Variants in GNG7 observed in about 807,000 individuals in gnomAD.
The protein encoded by GNG7 is G protein subunit gamma 7, also known as guanine nucleotide-binding protein G(I)/G(S)/G(O) subunit gamma-7.
In GNG7, 1 loss-of-function variant was observed where a neutral mutation model predicts 4.0. The ratio of observed to expected loss-of-function variants is 0.25; its 90% confidence interval spans 0.09 to 1.18. The LOEUF is 1.18. Among genes scored for constraint, GNG7 ranks in the 50% most tolerant of loss-of-function variants. The probability of loss-of-function intolerance (pLI) is 0.50; values close to 1 mark genes in which losing one functional copy is unlikely to be tolerated. For missense variants in GNG7, 86 were observed against 91.9 expected (o/e 0.94, Z 0.26); for synonymous variants, 34 against 36.9 (o/e 0.92, Z 0.29).
chr19:2,556,354 C>T (rs1440037359), intron 2 of GNG7, among the ~76,000 whole-genome samples: 1 of 152,232 alleles, frequency 6.6e-6, no homozygotes, highest in Non-Finnish European at 1.5e-5. Flanking sequence ...CAACCCAGGC[C>T]CAGCTTCCTG....
chr19:2,537,141 G>A (rs1337673498), intron 3 of GNG7, among the ~76,000 whole-genome samples: 1 of 150,008 alleles, frequency 6.7e-6, no homozygotes, highest in Non-Finnish European at 1.5e-5. Context: ...AGTAGAGACG[G>A]GGTTTCACCG....
intron 2 of GNG7, among the ~76,000 whole-genome samples, chr19:2,639,191 G>A (rs576875063): frequency 4.0e-5 from 6 of 150,672 alleles, no homozygotes; most frequent in African/African-American, 9.8e-5. Context: ...CCAAGATCGC[G>A]CCACTGCACT....
At position 2,697,800 on chromosome 19, in the gene GNG7, C is replaced by T. The variant is rs573396124; in HGVS notation, c.-135+4846G>A. 5.4e-3 allele frequency among the ~76,000 whole-genome samples: 822 copies of T among 151,360 alleles called. 6 individuals are homozygous for T. The highest frequency in any genetic ancestry group is 9.2e-3 in the Non-Finnish European group (627 of 67,852). On this transcript the variant is annotated intron_variant, in intron 1 of 4. Transcript: ENST00000382159. ...TGAGGGCCCCGTCCCCCCCCCCGCC[C>T]GTCTCTACTAAAAATACAAAAATTA...
At chr19:2,607,329 C>A (rs1441379504) in intron 2 of GNG7, among the ~76,000 whole-genome samples, 2 of 151,352 alleles carry the variant, frequency 1.3e-5, no homozygotes, top group Non-Finnish European at 2.9e-5. Context: ...ACCAGCCTGG[C>A]CAACATGGAG....
At chr19:2,623,153 C>T (rs1296530329) in intron 2 of GNG7, among the ~76,000 whole-genome samples, 1 of 152,008 alleles carries the variant, frequency 6.6e-6, no homozygotes, top group Admixed American at 6.6e-5. Context: ...TAGCCAGACC[C>T]CATCTCTACA....
intron 1 of GNG7, among the ~76,000 whole-genome samples, chr19:2,656,755 C>T (rs745809404): frequency 3.3e-5 from 5 of 152,158 alleles, no homozygotes; most frequent in Non-Finnish European, 7.4e-5. Context: ...TGGGCTCCTA[C>T]AGCACAGCTG....
chr19:2,620,244 G>A, intron 2 of GNG7, among the ~76,000 whole-genome samples: 1 of 131,446 alleles, frequency 7.6e-6, no homozygotes, highest in East Asian at 2.4e-4. Context: ...GGGGAGGGGA[G>A]GGGAGGGGAG....
chr19:2,553,395 T>C (rs1609705), intron 3 of GNG7, among the ~76,000 whole-genome samples: 46,704 of 127,888 alleles, frequency 0.37, 7,835 homozygotes, highest in Admixed American at 0.47. Flanking sequence ...TATATATATA[T>C]ACATATATAT....
intron 2 of GNG7, among the ~76,000 whole-genome samples, chr19:2,595,742 A>G (rs975762522): frequency 1.3e-5 from 2 of 151,878 alleles, no homozygotes; most frequent in African/African-American, 4.8e-5. Flanking sequence ...CTCAAAAAAA[A>G]AAAAAAAGAA....
At chr19:2,694,878 C>CTTTGGGAGG (rs1568287343) in intron 1 of GNG7, among the ~76,000 whole-genome samples, 12 of 151,720 alleles carry the variant, frequency 7.9e-5, no homozygotes, top group Admixed American at 5.2e-4. Context: ...CTGCTCGGCA[C>CTTTGGGAGG]CTCAGGACCT....
chr19:2,512,486 T>A lies in GNG7; in HGVS notation c.*2536A>T. 2.0e-6 allele frequency: 1 copy of A among 494,562 alleles called. No homozygotes were observed. The highest frequency in any genetic ancestry group is 2.6e-6 in the Non-Finnish European group (1 of 381,488). 30.6% of individuals were successfully genotyped at this position (494,562 alleles called of 1,614,324 possible). On this transcript the variant is annotated 3_prime_UTR_variant, in exon 5 of 5. Transcript: ENST00000382159. The surrounding 1 kb of genome is among the most constrained non-coding windows in gnomAD (Gnocchi z 4.7). ...ACAGCTCAGGGAACCCAAGGCCCTG[T>A]GGACAGTGAAGGAGAGGCCAGCCTG... is the stretch of plus-strand genomic sequence containing the variant.
At chr19:2,521,620 T>TTGTTG (rs897902853) in intron 3 of GNG7, among the ~76,000 whole-genome samples, 1 of 143,636 alleles carries the variant, frequency 7.0e-6, no homozygotes, top group African/African-American at 2.6e-5. Context: ...GTGTTTTTTT[T>TTGTTG]TTTTTTTTTT....
chr19:2,564,221 T>C (rs569294297), intron 2 of GNG7, among the ~76,000 whole-genome samples: 1 of 152,292 alleles, frequency 6.6e-6, no homozygotes, highest in Non-Finnish European at 1.5e-5. Flanking sequence ...ATACGGATCT[T>C]GGGATGAAAT....
intron 1 of GNG7, among the ~76,000 whole-genome samples, chr19:2,696,877 T>C (rs557462428): frequency 6.6e-6 from 1 of 152,288 alleles, no homozygotes; most frequent in Admixed American, 6.5e-5. Flanking sequence ...TGTTTGTTTG[T>C]TTTTTGAGAC....
chr19:2,659,533 T>C (rs1442657515), intron 1 of GNG7, among the ~76,000 whole-genome samples: 6 of 131,254 alleles, frequency 4.6e-5, no homozygotes, highest in African/African-American at 1.8e-4. Context: ...GAGGTTGCAG[T>C]GAGCTGAGAT....
At chr19:2,588,850 G>A (rs550984469) in intron 2 of GNG7, among the ~76,000 whole-genome samples, 1 of 152,254 alleles carries the variant, frequency 6.6e-6, no homozygotes, top group African/African-American at 2.4e-5. Flanking sequence ...CTTTGTCTTC[G>A]TGGTGGCACC....
chr19:2,671,473 T>A (rs1244016030), intron 1 of GNG7, among the ~76,000 whole-genome samples: 1 of 151,836 alleles, frequency 6.6e-6, no homozygotes, highest in Admixed American at 6.6e-5. Flanking sequence ...CTCACACGCT[T>A]CCCCCAGCTT....
chr19:2,554,705 C>T (rs1019731404), intron 3 of GNG7, among the ~76,000 whole-genome samples: 5 of 151,846 alleles, frequency 3.3e-5, no homozygotes, highest in Non-Finnish European at 7.4e-5. Flanking sequence ...CAGGCACCTG[C>T]CACCATGCCC....
At chr19:2,590,604 CCCAT>C (rs1296021794) in intron 2 of GNG7, among the ~76,000 whole-genome samples, 1 of 104,034 alleles carries the variant, frequency 9.6e-6, no homozygotes, top group Admixed American at 1.3e-4. Flanking sequence ...CACCCACCCA[CCCAT>C]CCATCCATCT....
Sources: gnomAD v4.1 joint callset for allele counts (sites outside exome capture counted in the v4.1 genomes callset) on GRCh38, gnomAD v4.1.1 for gene constraint, Gnocchi (gnomAD v3.1) non-coding constraint, MANE v1.5 for transcripts, NCBI Gene and HGNC (gene_info 2026-07-23, HGNC 2026-07-21) for gene names.